The following SCHIP1 variants were observed in gnomAD, a reference collection of about 807,000 sequenced individuals.
The protein encoded by SCHIP1 is schwannomin interacting protein 1.
A neutral mutation model predicts 29.7 loss-of-function variants in SCHIP1; 8 were observed. The ratio of observed to expected loss-of-function variants is 0.27; its 90% CI spans 0.16 to 0.49. SCHIP1 has a LOEUF of 0.49. Among genes scored for constraint, SCHIP1 ranks in the 20% least tolerant of loss-of-function variants. The probability of loss-of-function intolerance (pLI) is 0.99; values close to 1 mark genes in which losing one functional copy is unlikely to be tolerated. For missense variants in SCHIP1, 193 were observed against 294.6 expected, an observed-to-expected ratio of 0.66 and a Z score of 2.52; for synonymous variants, 76 against 94.9, an observed-to-expected ratio of 0.80 and a Z score of 1.16.
the SCHIP1 span, among the ~76,000 whole-genome samples, chr3:159,360,071 C>T: frequency 6.6e-6 from 1 of 152,170 alleles, no homozygotes; most frequent in Non-Finnish European, 1.5e-5. Flanking sequence ...CCAAATAGTG[C>T]ATGAATGGAC....
chr3:159,816,794 G>T, the SCHIP1 span, among the ~76,000 whole-genome samples: 1 of 152,064 alleles, frequency 6.6e-6, no homozygotes, highest in Non-Finnish European at 1.5e-5. Context: ...TGCCTAACTC[G>T]TGCTGTCTCT....
At chr3:159,681,616 G>T in the SCHIP1 span, among the ~76,000 whole-genome samples, 1 of 152,116 alleles carries the variant, frequency 6.6e-6, no homozygotes, top group Non-Finnish European at 1.5e-5. Flanking sequence ...ATATTTTTGT[G>T]CCTGAATAAT....
the SCHIP1 span, among the ~76,000 whole-genome samples, chr3:159,413,010 G>C: frequency 6.6e-6 from 1 of 152,164 alleles, no homozygotes; most frequent in Admixed American, 6.5e-5. Context: ...GGAAACTTAC[G>C]ATCATGACGA....
the SCHIP1 span, among the ~76,000 whole-genome samples, chr3:159,374,718 C>T: frequency 6.6e-6 from 1 of 152,128 alleles, no homozygotes; most frequent in African/African-American, 2.4e-5. Flanking sequence ...AGATATATTA[C>T]TTAATATTGC....
the SCHIP1 span, among the ~76,000 whole-genome samples, chr3:159,341,999 A>G: frequency 6.6e-6 from 1 of 152,228 alleles, no homozygotes; most frequent in South Asian, 2.1e-4. Flanking sequence ...GGGAATATAT[A>G]TAGTTCTTCA....
chr3:159,835,933 G>C (rs1255013091), upstream of SCHIP1, among the ~76,000 whole-genome samples: 1 of 152,156 alleles, frequency 6.6e-6, no homozygotes. Flanking sequence ...AGACACAATA[G>C]TTTGTAGGTG....
At chr3:159,763,712 C>G in the SCHIP1 span, 71 of 152,302 alleles carry the variant, frequency 4.7e-4, no homozygotes, top group African/African-American at 1.6e-3. Context: ...ACGGCGCCTG[C>G]AGCGACTTGC....
At chr3:159,393,321 GAT>G in the SCHIP1 span, among the ~76,000 whole-genome samples, 1 of 152,076 alleles carries the variant, frequency 6.6e-6, no homozygotes, top group African/African-American at 2.4e-5. Context: ...AGTTTAATTA[GAT>G]CCCATTTGTC....
the SCHIP1 span, among the ~76,000 whole-genome samples, chr3:159,665,083 C>A: frequency 6.6e-6 from 1 of 152,188 alleles, no homozygotes; most frequent in Non-Finnish European, 1.5e-5. Context: ...GACATCTGAG[C>A]TCCACCCAAG....
At chr3:159,655,375 T>C in the SCHIP1 span, among the ~76,000 whole-genome samples, 3 of 152,008 alleles carry the variant, frequency 2.0e-5, no homozygotes, top group Non-Finnish European at 4.4e-5. Flanking sequence ...GTAGCAGTAG[T>C]AGTAGTGATG....
At chr3:159,439,784 T>C in the SCHIP1 span, among the ~76,000 whole-genome samples, 5 of 151,794 alleles carry the variant, frequency 3.3e-5, no homozygotes, top group African/African-American at 1.2e-4. Flanking sequence ...ATATTAGACC[T>C]TTGTCAGATG....
the SCHIP1 span, among the ~76,000 whole-genome samples, chr3:159,577,710 C>T: frequency 2.6e-5 from 4 of 152,250 alleles, no homozygotes; most frequent in African/African-American, 9.6e-5. Context: ...CACCATTTTA[C>T]CTTGAAGGCA....
At chr3:159,401,146 G>T in the SCHIP1 span, 1 of 975,608 alleles carries the variant, frequency 1.0e-6, no homozygotes, top group African/African-American at 1.8e-5. Flanking sequence ...GGCCTCAAGT[G>T]TAAGATATTC....
chr3:159,643,141 T>C, the SCHIP1 span, among the ~76,000 whole-genome samples: 2 of 152,074 alleles, frequency 1.3e-5, no homozygotes, highest in Non-Finnish European at 2.9e-5. Flanking sequence ...CAAGATTTAA[T>C]GAAGCAACAC....
chr3:159,886,407 G>A, intron 3 of SCHIP1, 83 bp downstream of exon 4: 2 of 1,257,916 alleles, frequency 1.6e-6, no homozygotes, highest in East Asian at 2.4e-5. Context: ...GGTGAATCAG[G>A]AACAAACATT....
the SCHIP1 span, among the ~76,000 whole-genome samples, chr3:159,767,563 A>G: frequency 2.0e-5 from 3 of 152,344 alleles, no homozygotes; most frequent in Admixed American, 6.5e-5. Context: ...TTGTATGAAT[A>G]TATTTAAGTG....
the SCHIP1 span, among the ~76,000 whole-genome samples, chr3:159,404,951 C>T: frequency 6.6e-6 from 1 of 152,182 alleles, no homozygotes; most frequent in Non-Finnish European, 1.5e-5. Context: ...GGGAAACACT[C>T]TACTTTTTTG....
chr3:159,395,778 G>GA, the SCHIP1 span, among the ~76,000 whole-genome samples: 5 of 151,454 alleles, frequency 3.3e-5, no homozygotes, highest in African/African-American at 1.2e-4. Flanking sequence ...GTGTGGTGCT[G>GA]AAAAAAATGT....
At chr3:159,740,709 C>A in the SCHIP1 span, among the ~76,000 whole-genome samples, 2 of 134,774 alleles carry the variant, frequency 1.5e-5, no homozygotes, top group African/African-American at 5.6e-5. Flanking sequence ...CTAAGAGAGA[C>A]AGGCCACTTC....
Sources: gnomAD v4.1 joint callset for allele counts (sites outside exome capture counted in the v4.1 genomes callset) on GRCh38, gnomAD v4.1.1 for gene constraint, MANE v1.5 for transcripts, NCBI Gene and HGNC (gene_info 2026-07-23, HGNC 2026-07-21) for gene names.